The following SEZ6L variants were observed in gnomAD, a reference collection of about 807,000 sequenced individuals.
The protein encoded by SEZ6L is seizure 6-like protein.
Under a neutral mutation model 106.2 loss-of-function variants are expected in SEZ6L, and 37 were observed. The observed-to-expected ratio is 0.35, with a 90% CI of 0.27 to 0.46. The LOEUF (loss-of-function observed/expected upper bound fraction) is 0.46, where lower values mean the gene tolerates loss of function less well. Among genes scored for constraint, SEZ6L ranks in the 20% least tolerant of loss-of-function variants. SEZ6L has a pLI of 1.00. For synonymous variants in SEZ6L, 541 were observed against 570.4 expected (o/e 0.95, Z 0.73); for missense variants, 1,172 against 1,332.8 (o/e 0.88, Z 1.88).
intron 1 of SEZ6L, among the ~76,000 whole-genome samples, chr22:26,277,523 C>T (rs913397969): frequency 6.6e-6 from 1 of 152,166 alleles, no homozygotes; most frequent in South Asian, 2.1e-4. Flanking sequence ...GCAAACCATG[C>T]GAGTTATGTG....
At chr22:26,286,580 C>A (rs1012833360) in intron 1 of SEZ6L, among the ~76,000 whole-genome samples, 6 of 152,142 alleles carry the variant, frequency 3.9e-5, no homozygotes. Flanking sequence ...ATTCTTTTCA[C>A]TGAACATTAT....
intron 1 of SEZ6L, among the ~76,000 whole-genome samples, chr22:26,232,346 TCA>T (rs10654892): frequency 0.12 from 15,709 of 133,006 alleles, 992 homozygotes; most frequent in East Asian, 0.2. Context: ...TCTCTGTCTT[TCA>T]CACACACACA....
Position 26,375,455 on chromosome 22 carries a change from C to T in SEZ6L, c.2828-120C>T, listed in dbSNP as rs186551625. ...GGAGATGGCTCTGCAAGGTCTAAGG[C>T]CCTCCCAGAGCCTTAGACCTTGGAA... On this transcript the variant is annotated intron_variant, in intron 14 of 16. Transcript: ENST00000248933. The T allele has an allele frequency of 5.3e-6, 4 of 757,516 alleles. No individual in the cohort carries two copies. In the Admixed American group the frequency reaches 8.2e-5, roughly 15 times the overall value. 46.9% of individuals were successfully genotyped at this position (757,516 alleles called of 1,614,324 possible).
intron 1 of SEZ6L, among the ~76,000 whole-genome samples, chr22:26,266,428 C>T (rs1414909519): frequency 6.6e-6 from 1 of 150,932 alleles, no homozygotes; most frequent in Admixed American, 6.6e-5. Flanking sequence ...AAAAATTTAG[C>T]CGGGCGTGGT....
At chr22:26,228,939 A>T (rs767006100) in intron 1 of SEZ6L, among the ~76,000 whole-genome samples, 1 of 152,122 alleles carries the variant, frequency 6.6e-6, no homozygotes, top group Non-Finnish European at 1.5e-5. Context: ...ATTACCTATG[A>T]CCACCGTGTT....
intron 9 of SEZ6L, among the ~76,000 whole-genome samples, chr22:26,316,612 A>G (rs1433284975): frequency 6.6e-6 from 1 of 152,110 alleles, no homozygotes; most frequent in East Asian, 1.9e-4. Context: ...TGGGTGGATC[A>G]TTTGAGGTCA....
chr22:26,363,318 G>A (rs904364538), intron 12 of SEZ6L, among the ~76,000 whole-genome samples: 1 of 152,222 alleles, frequency 6.6e-6, no homozygotes, highest in Admixed American at 6.5e-5. Context: ...GACCTATACT[G>A]TACTGTGTGC....
intron 1 of SEZ6L, among the ~76,000 whole-genome samples, chr22:26,198,491 G>A (rs1283772426): frequency 1.3e-5 from 2 of 152,212 alleles, no homozygotes; most frequent in Non-Finnish European, 2.9e-5. Flanking sequence ...AAACCAGGAA[G>A]TATCTTGGTT....
At chr22:26,297,750 C>T (rs2081341820) in intron 4 of SEZ6L, among the ~76,000 whole-genome samples, 1 of 151,204 alleles carries the variant, frequency 6.6e-6, no homozygotes, top group South Asian at 2.1e-4. Flanking sequence ...CTTCTCTTCT[C>T]CTCCCTCTTT....
chr22:26,237,265 C>T (rs2145760032), intron 1 of SEZ6L, among the ~76,000 whole-genome samples: 1 of 152,344 alleles, frequency 6.6e-6, no homozygotes, highest in East Asian at 1.9e-4. Flanking sequence ...TTCACGTTAG[C>T]CACTGCTTCA....
intron 5 of SEZ6L, 104 bp downstream of exon 5, chr22:26,299,273 A>G (rs963312042): frequency 6.2e-6 from 6 of 972,526 alleles, no homozygotes; most frequent in Non-Finnish European, 8.2e-6. Context: ...CTTTCAGCCC[A>G]GGGGAAGAAA....
intron 1 of SEZ6L, among the ~76,000 whole-genome samples, chr22:26,231,993 G>A (rs571268283): frequency 2.0e-5 from 3 of 152,200 alleles, no homozygotes; most frequent in African/African-American, 4.8e-5. Context: ...CACTCCATGG[G>A]GCACTGCAAC....
chr22:26,381,474 G>A lies in SEZ6L; in HGVS notation c.*1179G>A, dbSNP rs5752315. ...GGGTGGTGTGAATGCTGACTGAGGAGGTGCAGAGAACAGGGGCAGGGGATT... is the reference window on the plus strand; with the variant it reads ...GGGTGGTGTGAATGCTGACTGAGGAAGTGCAGAGAACAGGGGCAGGGGATT... On this transcript the variant is annotated 3_prime_UTR_variant, in exon 17 of 17. Coordinates refer to ENST00000248933, the MANE Select transcript of SEZ6L (RefSeq NM_021115.5). The A allele has an allele frequency of 0.52, 79,094 of 152,180 alleles. 21,407 individuals are homozygous for A. Among genetic ancestry groups the A allele is most frequent in the East Asian group, 0.93 (4,834 of 5,180 alleles). The allele number at this position is 152,180 out of a possible 1,614,324, so 9.4% of individuals were successfully genotyped here.
In SEZ6L at chr22:26,306,118, G is replaced by A. The variant is rs1255996089; in HGVS notation, c.1488G>A (p.Glu496=). The A allele has an allele frequency of 1.5e-5, 24 of 1,613,854 alleles. No individual in the cohort carries two copies. The highest frequency in any genetic ancestry group is 1.7e-5 in the Admixed American group (1 of 60,004). ...GCCAGAAGCTGCACCTGCACTTTGAGAGGCTGTTGCTGCATGACAAGGACA... is the reference window on the plus strand; with the variant it reads ...GCCAGAAGCTGCACCTGCACTTTGAAAGGCTGTTGCTGCATGACAAGGACA... ...PEGQKLHLHF[E]RLLLHDKDRM... The change falls in exon 6 of 17, where the codon GAG becomes GAA. Residue 496 remains glutamate, a synonymous_variant. Transcript: ENST00000248933.
At chr22:26,219,258 T>TTTTTG (rs1423994769) in intron 1 of SEZ6L, among the ~76,000 whole-genome samples, 1 of 151,304 alleles carries the variant, frequency 6.6e-6, no homozygotes, top group Non-Finnish European at 1.5e-5. Flanking sequence ...ATACAAGTTT[T>TTTTTG]TTTTTTTTTT....
chr22:26,373,319 G>T, intron 13 of SEZ6L, 132 bp from the exon 14 acceptor site: 1 of 723,436 alleles, frequency 1.4e-6, no homozygotes, highest in Non-Finnish European at 2.4e-6. Context: ...AGTGGCCCAA[G>T]ATAAGTAAAA....
intron 9 of SEZ6L, among the ~76,000 whole-genome samples, chr22:26,338,486 C>T (rs1021284321): frequency 3.9e-5 from 6 of 152,170 alleles, no homozygotes; most frequent in Non-Finnish European, 7.3e-5. Context: ...TAGCCTCAAA[C>T]TTCTGGGCTC....
At chr22:26,252,760 G>A (rs1326885096) in intron 1 of SEZ6L, among the ~76,000 whole-genome samples, 1 of 152,192 alleles carries the variant, frequency 6.6e-6, no homozygotes, top group Non-Finnish European at 1.5e-5. Flanking sequence ...TTTGTTCTTT[G>A]TTTATGGCTG....
At position 26,344,397 on chromosome 22, in the gene SEZ6L, CGT is replaced by C. The variant is rs532091320; in HGVS notation, c.2213-3317_2213-3316del. Reference sequence around the variant, plus strand: ...TTTTGAGAAGACGTTGGTTATTTGTCGTGTGTTTATTCCTCCAAGTCTAGGAT... The same window carrying C: ...TTTTGAGAAGACGTTGGTTATTTGTCGTGTTTATTCCTCCAAGTCTAGGAT... On this transcript the variant is annotated intron_variant, in intron 10 of 16. Transcript: ENST00000248933. Among the ~76,000 whole-genome samples, 18 of 152,272 alleles carry C rather than the reference CGT, an allele frequency of 1.2e-4. No individual in the cohort carries two copies. In the South Asian group the frequency reaches 3.7e-3, roughly 32 times the overall value.
Sources: gnomAD v4.1 joint callset for allele counts (sites outside exome capture counted in the v4.1 genomes callset) on GRCh38, gnomAD v4.1.1 for gene constraint, MANE v1.5 for transcripts, NCBI Gene and HGNC (gene_info 2026-07-23, HGNC 2026-07-21) for gene names.